The following NBEA variants were observed in gnomAD, a reference collection of about 807,000 sequenced individuals.
NBEA encodes lysosomal-trafficking regulator 2.
NBEA carries 44 observed loss-of-function variants against 343.4 expected under a neutral mutation model. The ratio of observed to expected loss-of-function variants is 0.13; its 90% confidence interval spans 0.10 to 0.16. The LOEUF is 0.16. NBEA is among the 10% of genes least tolerant of loss of function. The pLI is 1.00. For missense variants in NBEA, 2,555 were observed against 3,631.3 expected, an observed-to-expected ratio of 0.70 and a Z score of 7.62; for synonymous variants, 1,175 against 1,238.7, an observed-to-expected ratio of 0.95 and a Z score of 1.08.
chr13:35,648,307 A>C (rs1269705321), intron 51 of NBEA, among the ~76,000 whole-genome samples: 1 of 151,652 alleles, frequency 6.6e-6, no homozygotes, highest in Non-Finnish European at 1.5e-5. Flanking sequence ...ACTAAACAGA[A>C]AGGTTTGCAC....
intron 41 of NBEA, among the ~76,000 whole-genome samples, chr13:35,490,660 A>T (rs1171744490): frequency 6.6e-6 from 1 of 152,002 alleles, no homozygotes; most frequent in Admixed American, 6.6e-5. Flanking sequence ...TTTAAACAAG[A>T]CAAAGAACAA....
intron 38 of NBEA, among the ~76,000 whole-genome samples, chr13:35,354,347 T>C (rs1000662280): frequency 6.6e-6 from 1 of 152,216 alleles, no homozygotes; most frequent in African/African-American, 2.4e-5. Context: ...GCAGCTGGTA[T>C]GATTCAGGAT....
intron 10 of NBEA, among the ~76,000 whole-genome samples, chr13:35,078,257 A>G (rs117821752): frequency 0.046 from 6,960 of 152,308 alleles, 237 homozygotes; most frequent in Non-Finnish European, 0.067. Context: ...GAAACCTATC[A>G]GCATAGAACT....
chr13:35,654,121 G>T (rs897961888), intron 53 of NBEA, among the ~76,000 whole-genome samples: 1 of 152,230 alleles, frequency 6.6e-6, no homozygotes, highest in Non-Finnish European at 1.5e-5. Flanking sequence ...ATGGTGCGCA[G>T]TAAGGGACAG....
chr13:35,162,781 G>A (rs2069669818), intron 23 of NBEA, among the ~76,000 whole-genome samples: 1 of 151,898 alleles, frequency 6.6e-6, no homozygotes, highest in Non-Finnish European at 1.5e-5. Context: ...CTAGGGTTAG[G>A]CTAGTCTTTC....
intron 48 of NBEA, among the ~76,000 whole-genome samples, chr13:35,617,182 G>A (rs1283536158): frequency 6.6e-6 from 1 of 152,236 alleles, no homozygotes; most frequent in East Asian, 1.9e-4. Flanking sequence ...AATGAGAGAA[G>A]CAAGGCACTG....
intron 41 of NBEA, among the ~76,000 whole-genome samples, chr13:35,528,766 T>C (rs1285924830): frequency 6.6e-6 from 1 of 152,176 alleles, no homozygotes; most frequent in Non-Finnish European, 1.5e-5. Flanking sequence ...GCATTCCCAC[T>C]TCACCTCCAT....
intron 33 of NBEA, among the ~76,000 whole-genome samples, chr13:35,226,024 T>G (rs761779674): frequency 6.6e-6 from 1 of 152,194 alleles, no homozygotes; most frequent in Non-Finnish European, 1.5e-5. Context: ...AATACTACAC[T>G]ACAAAATGCT....
At chr13:35,358,117 G>C (rs903009662) in intron 38 of NBEA, among the ~76,000 whole-genome samples, 1 of 151,936 alleles carries the variant, frequency 6.6e-6, no homozygotes, top group Non-Finnish European at 1.5e-5. Flanking sequence ...CACCTCCCGG[G>C]TTCAAGTAAT....
chr13:35,075,218 A>T lies in NBEA; in HGVS notation c.1571+4366A>T, dbSNP rs141863932. Among the ~76,000 whole-genome samples the T allele has an allele frequency of 2.2e-3, 342 of 152,262 alleles. 3 individuals carry two copies. The highest frequency in any genetic ancestry group is 7.9e-3 in the African/African-American group (329 of 41,578). ...CTTTTGCCAGCTGTGGAATGATTTT[A>T]ATAAGTGCCAACTTTATCTGATTGT... On this transcript the variant is annotated intron_variant, in intron 10 of 58. Coordinates refer to ENST00000379939, the MANE Select transcript of NBEA (RefSeq NM_001385012.1).
Position 35,242,967 on chromosome 13 carries a change from A to G in NBEA, c.5776+10348A>G, listed in dbSNP as rs1436128201. On this transcript the variant is annotated intron_variant, in intron 34 of 58. Coordinates refer to ENST00000379939, the MANE Select transcript of NBEA (RefSeq NM_001385012.1). Reference sequence around the variant, plus strand: ...GTAACTCAAAGCCATATGAAAATTAAAAGTTCTACAATAGACATATTACAA... The same window carrying G: ...GTAACTCAAAGCCATATGAAAATTAGAAGTTCTACAATAGACATATTACAA... 2.0e-5 allele frequency among the ~76,000 whole-genome samples: 3 copies of G among 151,880 alleles called. No individual in the cohort carries two copies. In the East Asian group the frequency reaches 5.8e-4, roughly 29 times the overall value.
At chr13:35,483,960 A>G (rs1397791124) in intron 41 of NBEA, among the ~76,000 whole-genome samples, 1 of 152,068 alleles carries the variant, frequency 6.6e-6, no homozygotes, top group African/African-American at 2.4e-5. Flanking sequence ...AAAGGAAACA[A>G]CCACTAAATA....
chr13:35,109,101 A>C (rs551300637), intron 11 of NBEA, among the ~76,000 whole-genome samples, 189 bp from the exon 12 acceptor site: 1 of 152,174 alleles, frequency 6.6e-6, no homozygotes, highest in Non-Finnish European at 1.5e-5. Flanking sequence ...ATAACAAGCT[A>C]TCACTCAAAG....
At chr13:35,004,831 GA>G (rs1048243581) in intron 1 of NBEA, among the ~76,000 whole-genome samples, 1 of 152,116 alleles carries the variant, frequency 6.6e-6, no homozygotes, top group African/African-American at 2.4e-5. Context: ...TTTAAGCATC[GA>G]AAAGGATATT....
chr13:35,191,425 GTAA>G (rs895285271), intron 30 of NBEA, among the ~76,000 whole-genome samples: 22 of 152,096 alleles, frequency 1.4e-4, no homozygotes, highest in African/African-American at 4.8e-4. Flanking sequence ...GTATAAGTTA[GTAA>G]TAATATTTAA....
intron 38 of NBEA, among the ~76,000 whole-genome samples, chr13:35,358,717 C>CAA (rs200811266): frequency 0.042 from 6,067 of 144,628 alleles, 157 homozygotes; most frequent in Non-Finnish European, 0.055. Context: ...GACTCTGTCT[C>CAA]AAAAAAAAAA....
intron 1 of NBEA, among the ~76,000 whole-genome samples, chr13:34,978,316 A>G (rs1220092897): frequency 6.6e-6 from 1 of 152,000 alleles, no homozygotes; most frequent in Non-Finnish European, 1.5e-5. Flanking sequence ...TATAGTGAAC[A>G]CCCATATATG....
intron 34 of NBEA, among the ~76,000 whole-genome samples, chr13:35,288,473 T>C (rs1467500486): frequency 6.6e-6 from 1 of 151,982 alleles, no homozygotes; most frequent in African/African-American, 2.4e-5. Context: ...TTTTACAAAA[T>C]ACTGAGAGCA....
chr13:35,639,422 C>A (rs770428974), intron 49 of NBEA, among the ~76,000 whole-genome samples: 1 of 152,052 alleles, frequency 6.6e-6, no homozygotes, highest in Non-Finnish European at 1.5e-5. Flanking sequence ...CATTAAGTAA[C>A]CTTTCCTTTT....
Sources: gnomAD v4.1 joint callset for allele counts (sites outside exome capture counted in the v4.1 genomes callset) on GRCh38, gnomAD v4.1.1 for gene constraint, MANE v1.5 for transcripts, NCBI Gene and HGNC (gene_info 2026-07-23, HGNC 2026-07-21) for gene names.